MARCHF1: variants seen among roughly 807,000 people sequenced by gnomAD.
The protein encoded by MARCHF1 is E3 ubiquitin-protein ligase MARCHF1.
In MARCHF1, 40 loss-of-function variants were observed where a neutral mutation model predicts 54.2. The ratio of observed to expected loss-of-function variants is 0.74; its 90% CI spans 0.57 to 0.96. The LOEUF (loss-of-function observed/expected upper bound fraction) is 0.96. Among genes scored for constraint, MARCHF1 ranks in the 40% least tolerant of loss-of-function variants. The pLI is 0.00. For synonymous variants in MARCHF1, 236 were observed against 236.3 expected (o/e 1.00, Z 0.01); for missense variants, 586 against 656.5 (o/e 0.89, Z 1.17).
intron 5 of MARCHF1, among the ~76,000 whole-genome samples, chr4:163,656,700 A>G (rs984356926): frequency 6.6e-6 from 1 of 152,144 alleles, no homozygotes; most frequent in Non-Finnish European, 1.5e-5. Context: ...TAAAAAGCTT[A>G]TCCACCATGA....
intron 5 of MARCHF1, among the ~76,000 whole-genome samples, chr4:163,614,985 T>C (rs1400581991): frequency 6.6e-6 from 1 of 152,122 alleles, no homozygotes; most frequent in Non-Finnish European, 1.5e-5. Flanking sequence ...AAATGAGTTC[T>C]AGAGTTTCCA....
chr4:163,671,861 A>G (rs1743749051), intron 5 of MARCHF1, among the ~76,000 whole-genome samples: 1 of 152,222 alleles, frequency 6.6e-6, no homozygotes, highest in Admixed American at 6.5e-5. Flanking sequence ...AAAAGAGAAC[A>G]GGAAGTATGT....
At chr4:164,310,955 T>C (rs1428232025) in intron 1 of MARCHF1, among the ~76,000 whole-genome samples, 1 of 152,154 alleles carries the variant, frequency 6.6e-6, no homozygotes, top group Non-Finnish European at 1.5e-5. Context: ...ACTTCTAAGA[T>C]TGTGTGCTCC....
chr4:163,671,277 T>A (rs1743727446), intron 5 of MARCHF1, among the ~76,000 whole-genome samples: 1 of 152,204 alleles, frequency 6.6e-6, no homozygotes, highest in Non-Finnish European at 1.5e-5. Context: ...TTCAGGAAAA[T>A]GTAATTACTA....
intron 1 of MARCHF1, chr4:164,190,122 G>C (rs1328460978): frequency 2.0e-6 from 3 of 1,518,272 alleles, no homozygotes; most frequent in Non-Finnish European, 2.7e-6. Flanking sequence ...AAAGCTGGGA[G>C]GTAAACTTTC....
chr4:163,662,733 C>T lies in MARCHF1; in HGVS notation c.162+38080G>A, dbSNP rs139181831. The stretch of plus-strand genomic sequence containing the variant: ...GGCTTTCCCTCTAGGGTACTCAGGC[C>T]GGATTGTTTTTGGGAAAATTTTCTC... On this transcript the variant is annotated intron_variant, in intron 5 of 9. Coordinates refer to ENST00000514618, the MANE Select transcript of MARCHF1 (RefSeq NM_001394959.1). Among the ~76,000 whole-genome samples, 883 of 151,806 alleles carry T rather than the reference C, an allele frequency of 5.8e-3. 16 individuals are homozygous for T. Among genetic ancestry groups the T allele is most frequent in the African/African-American group, 0.02 (846 of 41,414 alleles).
chr4:164,260,967 T>C (rs906357280), intron 1 of MARCHF1, among the ~76,000 whole-genome samples: 1 of 152,202 alleles, frequency 6.6e-6, no homozygotes, highest in Non-Finnish European at 1.5e-5. Context: ...TTTATGTATA[T>C]AATCTCATGC....
intron 1 of MARCHF1, among the ~76,000 whole-genome samples, chr4:164,242,078 A>C (rs1210449140): frequency 6.6e-5 from 10 of 152,152 alleles, no homozygotes; most frequent in South Asian, 2.1e-4. Flanking sequence ...CCCAGCCTTG[A>C]TTAGGTAAAC....
chr4:164,267,239 A>G (rs1279799031), intron 1 of MARCHF1, among the ~76,000 whole-genome samples: 2 of 152,204 alleles, frequency 1.3e-5, no homozygotes, highest in African/African-American at 2.4e-5. Flanking sequence ...ACTCTTGATG[A>G]TCTCTACCTC....
At chr4:164,142,131 C>A (rs1020837575) in intron 1 of MARCHF1, among the ~76,000 whole-genome samples, 1 of 152,208 alleles carries the variant, frequency 6.6e-6, no homozygotes, top group Non-Finnish European at 1.5e-5. Context: ...AAACACAGCG[C>A]ACCTGGAGAA....
At chr4:163,564,062 T>A (rs1739560135) in intron 8 of MARCHF1, among the ~76,000 whole-genome samples, 1 of 152,172 alleles carries the variant, frequency 6.6e-6, no homozygotes, top group African/African-American at 2.4e-5. Context: ...GGACCTGGAG[T>A]ACACATTGTC....
intron 1 of MARCHF1, among the ~76,000 whole-genome samples, chr4:164,213,753 C>G (rs997255803): frequency 2.0e-5 from 3 of 151,536 alleles, no homozygotes; most frequent in African/African-American, 4.8e-5. Context: ...TATTTTTTGT[C>G]TATTGTATAA....
At chr4:163,969,966 T>C (rs1752517076) in intron 3 of MARCHF1, among the ~76,000 whole-genome samples, 1 of 152,116 alleles carries the variant, frequency 6.6e-6, no homozygotes, top group Admixed American at 6.5e-5. Flanking sequence ...TCTCATGGAA[T>C]CATCAAAATG....
At chr4:164,158,299 T>C (rs971408948) in intron 1 of MARCHF1, among the ~76,000 whole-genome samples, 3 of 152,202 alleles carry the variant, frequency 2.0e-5, no homozygotes, top group South Asian at 2.1e-4. Context: ...ATAATGCCTA[T>C]GTATTTTTCC....
rs143034979 is a variant in MARCHF1, at chr4:163,933,828, T to C, written c.-39+54673A>G. ...TATCACATATTATGGAGGTCATATA[T>C]ATCTGTGGCAACAGGGACTTTCCTT... On this transcript the variant is annotated intron_variant, in intron 3 of 9. Transcript: ENST00000514618. 3.5e-4 allele frequency among the ~76,000 whole-genome samples: 54 copies of C among 152,338 alleles called. 2 individuals are homozygous for C. The East Asian group carries it at 0.01, about 28-fold the overall frequency.
intron 3 of MARCHF1, among the ~76,000 whole-genome samples, chr4:163,904,834 T>C (rs1315538212): frequency 1.3e-5 from 2 of 150,262 alleles, no homozygotes; most frequent in East Asian, 1.9e-4. Context: ...TGTGTTTGCA[T>C]GCACTTATAA....
At chr4:163,549,932 A>G (rs537574259) in intron 8 of MARCHF1, among the ~76,000 whole-genome samples, 1 of 152,354 alleles carries the variant, frequency 6.6e-6, no homozygotes, top group Admixed American at 6.5e-5. Flanking sequence ...CTGCCCACAG[A>G]AAAGTGTTGT....
intron 7 of MARCHF1, among the ~76,000 whole-genome samples, chr4:163,588,758 G>A (rs1740489407): frequency 6.6e-6 from 1 of 152,122 alleles, no homozygotes; most frequent in Non-Finnish European, 1.5e-5. Context: ...AGTTGCTGCA[G>A]AGACCATCTG....
chr4:164,133,925 G>T (rs980982984), intron 1 of MARCHF1, among the ~76,000 whole-genome samples: 16 of 152,158 alleles, frequency 1.1e-4, no homozygotes, highest in Non-Finnish European at 2.2e-4. Flanking sequence ...TACTGTATTA[G>T]ATAAAGATTA....
Sources: allele counts gnomAD v4.1 joint callset (sites outside exome capture counted in the v4.1 genomes callset), GRCh38; gene constraint gnomAD v4.1.1; transcripts MANE v1.5; gene names NCBI Gene and HGNC (gene_info 2026-07-23, HGNC 2026-07-21).